Variants in ACSL3 observed in about 807,000 individuals in gnomAD.
ACSL3 encodes acyl-CoA synthetase long chain family member 3.
Under a neutral mutation model 84.7 loss-of-function variants are expected in ACSL3, and 34 were observed. The ratio of observed to expected loss-of-function variants is 0.40; its 90% confidence interval spans 0.31 to 0.53. The LOEUF is 0.53. Among genes scored for constraint, ACSL3 ranks in the 20% least tolerant of loss-of-function variants. The probability of loss-of-function intolerance (pLI) is 0.48; values close to 1 mark genes in which losing one functional copy is unlikely to be tolerated. For missense variants in ACSL3, 680 were observed against 873.1 expected, an observed-to-expected ratio of 0.78 and a Z score of 2.79; for synonymous variants, 315 against 299.4, an observed-to-expected ratio of 1.05 and a Z score of -0.54.
intron 16 of ACSL3, among the ~76,000 whole-genome samples, chr2:222,937,364 G>A (rs1697200284): frequency 6.6e-6 from 1 of 151,866 alleles, no homozygotes; most frequent in African/African-American, 2.4e-5. Flanking sequence ...TTTTCTTTTT[G>A]ATCTTCTGAT....
chr2:222,886,910 C>T (rs1399470929), intron 1 of ACSL3, among the ~76,000 whole-genome samples: 1 of 152,148 alleles, frequency 6.6e-6, no homozygotes, highest in African/African-American at 2.4e-5. Context: ...AACTGATGAA[C>T]CTACATTGAC....
chr2:222,918,202 C>T (rs1404179060), intron 6 of ACSL3, 47 bp downstream of exon 6: 1 of 1,308,924 alleles, frequency 7.6e-7, no homozygotes, highest in East Asian at 2.3e-5. Flanking sequence ...TTAGAATTTT[C>T]AGTGTCATGA....
At chr2:222,868,194 G>A (rs1325756013) in intron 1 of ACSL3, among the ~76,000 whole-genome samples, 1 of 152,050 alleles carries the variant, frequency 6.6e-6, no homozygotes, top group African/African-American at 2.4e-5. Context: ...TCCTCTAAAT[G>A]TAGTGCACTT....
At chr2:222,866,753 GCCCCCCCCCCCCCCCCCCCCCCCCGC>G (rs1695156575) in intron 1 of ACSL3, among the ~76,000 whole-genome samples, 5 of 18,708 alleles carry the variant, frequency 2.7e-4, no homozygotes, top group African/African-American at 5.7e-4. Context: ...TGCCCCCCCC[GCCCCCCCCCCCCCCCCCCCCCCCCGC>G]CCCGGGGAAA....
chr2:222,926,232 G>A (rs1375814186), intron 11 of ACSL3, among the ~76,000 whole-genome samples: 1 of 152,208 alleles, frequency 6.6e-6, no homozygotes, highest in Admixed American at 6.5e-5. Context: ...TGGAGGATGT[G>A]TGTAGGCTTT....
In ACSL3 at chr2:222,924,453, T is replaced by A. The variant is rs1452656219; in HGVS notation, c.1153-3T>A. The A allele has an allele frequency of 6.3e-7, 1 of 1,595,994 alleles. No homozygotes were observed. The highest frequency in any genetic ancestry group is 8.5e-7 in the Non-Finnish European group (1 of 1,173,156). On this transcript the variant is annotated splice_region_variant and splice_polypyrimidine_tract_variant and intron_variant, in intron 10 of 16. Coordinates refer to ENST00000357430, the MANE Select transcript of ACSL3 (RefSeq NM_004457.5). ...TATGTTAAACTCATTTTTATACATT[T>A]AGGAAATCATGGATCGGATCTACAA...
chr2:222,878,980 T>C (rs1461529977), intron 1 of ACSL3, among the ~76,000 whole-genome samples: 1 of 152,166 alleles, frequency 6.6e-6, no homozygotes, highest in Non-Finnish European at 1.5e-5. Flanking sequence ...TTTCGGTTTA[T>C]TTTCTGTGTT....
intron 1 of ACSL3, chr2:222,861,627 T>C (rs1695015199): frequency 6.6e-6 from 1 of 152,110 alleles, no homozygotes; most frequent in Non-Finnish European, 1.5e-5. Flanking sequence ...AAGAGGGCTC[T>C]GCCGCGGCCC....
At chr2:222,913,722 T>C (rs2106121691) in intron 4 of ACSL3, among the ~76,000 whole-genome samples, 1 of 152,350 alleles carries the variant, frequency 6.6e-6, no homozygotes, top group East Asian at 1.9e-4. Flanking sequence ...TGAAGCATTG[T>C]GATTTTATGC....
intron 10 of ACSL3, 28 bp from the exon 11 acceptor site, chr2:222,924,428 T>C (rs2106132334): frequency 1.3e-6 from 2 of 1,541,708 alleles, no homozygotes; most frequent in South Asian, 2.6e-5. Flanking sequence ...TATTATTAAC[T>C]ATGTTAAACT....
In ACSL3 at chr2:222,919,133, G is replaced by A. The variant is rs770724586; in HGVS notation, c.736G>A (p.Glu246Lys). 2.5e-6 allele frequency: 4 copies of A among 1,614,016 alleles called. No homozygotes were observed. Among genetic ancestry groups the A allele is most frequent in the African/African-American group, 1.3e-5 (1 of 74,930 alleles). Residue 246 changes from glutamate to lysine, a missense_variant, in exon 7 of 17, where the codon GAG (glutamate) becomes AAG (lysine). Transcript: ENST00000357430. Reference sequence around the variant, plus strand: ...TGATGGAAAGCCACCGACCTGGTCCGAGTTCCCCAAGGGCATCATTGTGCA... The same window carrying A: ...TGATGGAAAGCCACCGACCTGGTCCAAGTTCCCCAAGGGCATCATTGTGCA... ...TVDGKPPTWS[E>K]FPKGIIVHTM... is the part of the protein sequence containing the mutation.
chr2:222,875,966 T>G (rs1354023380), intron 1 of ACSL3, among the ~76,000 whole-genome samples: 1 of 152,238 alleles, frequency 6.6e-6, no homozygotes, highest in African/African-American at 2.4e-5. Context: ...GATGCATCAT[T>G]AGAGTGTTTA....
chr2:222,872,148 G>C (rs1695320685), intron 1 of ACSL3, among the ~76,000 whole-genome samples: 1 of 152,140 alleles, frequency 6.6e-6, no homozygotes, highest in African/African-American at 2.4e-5. Flanking sequence ...TTTTGAGACG[G>C]AGTTTCGCTC....
intron 1 of ACSL3, among the ~76,000 whole-genome samples, chr2:222,871,675 A>G (rs1324131026): frequency 6.6e-6 from 1 of 152,188 alleles, no homozygotes; most frequent in African/African-American, 2.4e-5. Flanking sequence ...TCCAGGAAGG[A>G]CATGGTTGTC....
intron 16 of ACSL3, among the ~76,000 whole-genome samples, chr2:222,938,369 A>G (rs1697227327): frequency 6.6e-6 from 1 of 152,026 alleles, no homozygotes; most frequent in Admixed American, 6.6e-5. Context: ...AACCCCCTCT[A>G]CTGTTGTTTA....
intron 2 of ACSL3, among the ~76,000 whole-genome samples, chr2:222,894,899 G>GT (rs1054908365): frequency 3.9e-5 from 6 of 151,902 alleles, no homozygotes; most frequent in Admixed American, 1.3e-4. Context: ...TCTATTTTTG[G>GT]TTTTTTGCCA....
chr2:222,887,197 TCTC>T (rs1408310048), intron 1 of ACSL3, among the ~76,000 whole-genome samples: 2 of 152,180 alleles, frequency 1.3e-5, no homozygotes, highest in African/African-American at 4.8e-5. Flanking sequence ...TTTCAGACTG[TCTC>T]CTTTCACTTT....
At chr2:222,878,015 T>C (rs1166533852) in intron 1 of ACSL3, among the ~76,000 whole-genome samples, 2 of 152,162 alleles carry the variant, frequency 1.3e-5, no homozygotes, top group Non-Finnish European at 2.9e-5. Context: ...TTTAATTTAT[T>C]CTTCCACTAG....
chr2:222,871,722 G>T (rs576084386), intron 1 of ACSL3, among the ~76,000 whole-genome samples: 2 of 152,156 alleles, frequency 1.3e-5, no homozygotes, highest in African/African-American at 2.4e-5. Context: ...GCTTTCAGGG[G>T]ACAAGAGAAG....
Sources: allele counts gnomAD v4.1 joint callset (sites outside exome capture counted in the v4.1 genomes callset), GRCh38; gene constraint gnomAD v4.1.1; transcripts MANE v1.5; gene names NCBI Gene and HGNC (gene_info 2026-07-23, HGNC 2026-07-21).